Variants in NOC4L observed in about 807,000 individuals in gnomAD.
NOC4L encodes nucleolar complex associated 4 homolog, also known as nucleolar complex protein 4 homolog.
In NOC4L, 40 loss-of-function variants were observed where a neutral mutation model predicts 62.8. The observed-to-expected ratio is 0.64, with a 90% CI of 0.49 to 0.83. The LOEUF (loss-of-function observed/expected upper bound fraction) is 0.83. NOC4L is among the 40% of genes least tolerant of loss of function. NOC4L has a pLI of 0.00. For synonymous variants in NOC4L, 433 were observed against 299.8 expected (o/e 1.44, Z -4.59); for missense variants, 927 against 701.9 (o/e 1.32, Z -3.62).
At position 132,144,486 on chromosome 12, in the gene NOC4L, G is replaced by T. The variant is rs753964630; in HGVS notation, c.-3G>T. The T allele has an allele frequency of 1.3e-6, 2 of 1,523,240 alleles. No homozygotes were observed. Among genetic ancestry groups the T allele is most frequent in the Non-Finnish European group, 1.7e-6 (2 of 1,147,966 alleles). 94.4% of individuals were successfully genotyped at this position (1,523,240 alleles called of 1,614,324 possible). Reference sequence around the variant, plus strand: ...ATCCGCGTTGTTCCGTGTTGGGGGCGGCATGGAGCGGGAGCCGGGCGCCGC... The same window carrying T: ...ATCCGCGTTGTTCCGTGTTGGGGGCTGCATGGAGCGGGAGCCGGGCGCCGC... On this transcript the variant is annotated 5_prime_UTR_variant, in exon 1 of 15. Transcript: ENST00000330579.
chr12:132,144,876 A>G lies in NOC4L; in HGVS notation c.140A>G (p.Gln47Arg), dbSNP rs1268283059. ...VLQSEDQEEI[Q>R]EAVRTCSRLF... ...CAGTCTGAGGACCAGGAGGAGATCC[A>G]GGAAGCAGTCCGCACGTGCAGCCGT... The change falls in exon 2 of 15, where the codon CAG (glutamine) becomes CGG (arginine). Residue 47 changes from glutamine (Q) to arginine (R), a missense_variant. Physicochemically the swap from Gln to Arg is conservative, Grantham distance 43. Transcript: ENST00000330579. 6.2e-7 allele frequency: 1 copy of G among 1,602,020 alleles called. No individual in the cohort carries two copies. Among genetic ancestry groups the G allele is most frequent in the African/African-American group, 1.3e-5 (1 of 74,898 alleles).
rs571674115 is a variant in NOC4L, at chr12:132,146,347, A to C, written c.345+682A>C. The C allele has an allele frequency of 3.1e-3, 1,432 of 455,920 alleles. 7 individuals are homozygous for C. Among genetic ancestry groups the C allele is most frequent in the Non-Finnish European group, 4.0e-3 (902 of 226,654 alleles). The allele number at this position is 455,920 out of a possible 1,614,324, so 28.2% of individuals were successfully genotyped here. A position where few individuals can be genotyped will look rare whatever the true frequency, so the allele number is the denominator to read the frequency against. ...GTAGCAGCGCGTCGTATAGCACAGC[A>C]CGTATCGTTCAGCCGCTCGTAGGTT... is the stretch of plus-strand genomic sequence containing the variant. On this transcript the variant is annotated intron_variant, in intron 3 of 14. Transcript: ENST00000330579.
At chr12:132,148,279 G>A (rs118062493) in intron 7 of NOC4L, among the ~76,000 whole-genome samples, 173 bp downstream of exon 7, 528 of 152,304 alleles carry the variant, frequency 3.5e-3, no homozygotes, top group Non-Finnish European at 6.0e-3. Flanking sequence ...CGAGACCTGT[G>A]AACTCGGGAC....
At position 132,151,748 on chromosome 12, in the gene NOC4L, C is replaced by T. The variant is rs543188150; in HGVS notation, c.1245C>T (p.Ala415=). 3.2e-5 allele frequency: 51 copies of T among 1,612,348 alleles called. No homozygotes were observed. The highest frequency in any genetic ancestry group is 1.6e-4 in the South Asian group (15 of 91,080). Residue 415 remains alanine (A), a synonymous_variant, in exon 13 of 15, where the codon GCC becomes GCT. Coordinates refer to ENST00000330579, the MANE Select transcript of NOC4L (RefSeq NM_024078.3). ...ACGTCTCATTCCTAGAGTTGGACGC[C>T]GACCCCTACGACCCTGGAGAGGAGG... ...VHRPHGPELD[A]DPYDPGEEDP... is the part of the protein sequence containing the mutation.
chr12:132,145,529 C>T (rs149998274), intron 2 of NOC4L, 30 bp from the exon 3 acceptor site: 21,300 of 1,513,110 alleles, frequency 0.014, 704 homozygotes, highest in South Asian at 0.057. Context: ...GTGGGCCTCA[C>T]GTGGGCTGAC....
rs1322160049 is a variant in NOC4L, at chr12:132,148,971, C to A, written c.901+76C>A. On this transcript the variant is annotated intron_variant, in intron 9 of 14. Coordinates refer to ENST00000330579, the MANE Select transcript of NOC4L (RefSeq NM_024078.3). ...GCCGCCGCCTCACTCCTACCACACC[C>A]CTAATCCCCTCGGTGAGTGCCGCCG... 4 of 263,086 alleles carry A rather than the reference C, an allele frequency of 1.5e-5. 1 individual carries two copies. In the Admixed American group the frequency reaches 2.3e-4, roughly 15 times the overall value. The allele number at this position is 263,086 out of a possible 1,614,324, so 16.3% of individuals were successfully genotyped here.
In NOC4L at chr12:132,147,295, C is replaced by A; in HGVS notation, c.360C>A (p.Ser120Arg). The change falls in exon 4 of 15, where the codon AGC becomes AGA. Residue 120 changes from serine (S) to arginine (R), a missense_variant. Ser to Arg is a moderately radical substitution (Grantham distance 110). Transcript: ENST00000330579. ...CCCCTTCCCAGGAGCTGGCCCTCAG[C>A]GCACTCCTGAAGTTCGTGCAGCTGG... is the stretch of plus-strand genomic sequence containing the variant. ...PSFQVKELAL[S>R]ALLKFVQLEG... The A allele has an allele frequency of 6.4e-7, 1 of 1,559,066 alleles. No homozygotes were observed. The highest frequency in any genetic ancestry group is 8.7e-7 in the Non-Finnish European group (1 of 1,151,740).
intron 5 of NOC4L, 49 bp downstream of exon 5, chr12:132,147,831 A>G: frequency 6.2e-7 from 1 of 1,610,554 alleles, no homozygotes; most frequent in East Asian, 2.2e-5. Flanking sequence ...CCTCCCAGGG[A>G]GGCAGGGACT....
In NOC4L at chr12:132,151,297, G is replaced by C; in HGVS notation, c.1002G>C (p.Leu334Phe). The change falls in exon 11 of 15, where the codon TTG (leucine) becomes TTC (phenylalanine). Residue 334 changes from leucine to phenylalanine, a missense_variant. Leu to Phe is a conservative substitution (Grantham distance 22, BLOSUM62 0). Coordinates refer to ENST00000330579, the MANE Select transcript of NOC4L (RefSeq NM_024078.3). Reference protein sequence around the residue: ...PDFYRKLYGLLDPSVFHVKYR... With the variant: ...PDFYRKLYGLFDPSVFHVKYR... Reference sequence around the variant, plus strand: ...TCTACCGGAAGCTCTACGGCCTCTTGGACCCCTCTGTCTTTCACGTCAAGT... The same window carrying C: ...TCTACCGGAAGCTCTACGGCCTCTTCGACCCCTCTGTCTTTCACGTCAAGT... 2 of 1,611,958 alleles carry C rather than the reference G, an allele frequency of 1.2e-6. No homozygotes were observed. Among genetic ancestry groups the C allele is most frequent in the Non-Finnish European group, 1.7e-6 (2 of 1,179,928 alleles).
Position 132,148,900 on chromosome 12 carries a change from GTGCCGCCGCCTCGCTC to G in NOC4L, c.901+6_901+21del. 1 of 1,342,302 alleles carries G rather than the reference GTGCCGCCGCCTCGCTC, an allele frequency of 7.4e-7. No individual in the cohort carries two copies. The highest frequency in any genetic ancestry group is 9.9e-7 in the Non-Finnish European group (1 of 1,012,364). The allele number at this position is 1,342,302 out of a possible 1,614,324, so 83.1% of individuals were successfully genotyped here. On this transcript the variant is annotated splice_donor_region_variant and intron_variant, in intron 9 of 14. Transcript: ENST00000330579. ...TCACCCGCGCCTGCGACCTCGGTGA[GTGCCGCCGCCTCGCTC>G]ACACCACACCCCTAATCCCCTCGGT... is the stretch of plus-strand genomic sequence containing the variant.
intron 3 of NOC4L, among the ~76,000 whole-genome samples, chr12:132,146,071 C>T (rs1321850641): frequency 6.6e-6 from 1 of 152,200 alleles, no homozygotes; most frequent in East Asian, 1.9e-4. Context: ...GCATCTGTTA[C>T]TGTGTTGTGC....
intron 9 of NOC4L, among the ~76,000 whole-genome samples, chr12:132,149,969 A>G (rs376700360): frequency 3.2e-3 from 2 of 620 alleles, no homozygotes; most frequent in East Asian, 0.12. Context: ...CCGCCGCCTC[A>G]CTCACACCAC....
At position 132,148,741 on chromosome 12, in the gene NOC4L, C is replaced by T. The variant is rs1196743597; in HGVS notation, c.790-43C>T. The T allele has an allele frequency of 6.7e-6, 3 of 444,638 alleles. No homozygotes were observed. The Admixed American group carries it at 1.1e-4, about 17-fold the overall frequency. 27.5% of individuals were successfully genotyped at this position (444,638 alleles called of 1,614,324 possible). A position where few individuals can be genotyped will look rare whatever the true frequency, so the allele number is the denominator to read the frequency against. On this transcript the variant is annotated intron_variant, in intron 8 of 14. Transcript: ENST00000330579. ...AGGCCTCACCCCGACCCGCCGGCCC[C>T]CGCCCACCCGCCCCTCACCCCCACC...
chr12:132,151,406 C>G lies in NOC4L; in HGVS notation c.1073+38C>G, dbSNP rs547513742. On this transcript the variant is annotated intron_variant, in intron 11 of 14. Transcript: ENST00000330579. Reference sequence around the variant, plus strand: ...GCACCTGGCTCTGCCCTGCTCTGTGCGGCTGCAGCCTGGGGCCAGGGGAGG... The same window carrying G: ...GCACCTGGCTCTGCCCTGCTCTGTGGGGCTGCAGCCTGGGGCCAGGGGAGG... 395 of 1,603,066 alleles carry G rather than the reference C, an allele frequency of 2.5e-4. 5 individuals carry two copies. In the South Asian group the frequency reaches 2.8e-3, roughly 12 times the overall value.
In NOC4L at chr12:132,148,055, C is replaced by T; in HGVS notation, c.704-17C>T. The T allele has an allele frequency of 6.2e-7, 1 of 1,613,502 alleles. No individual in the cohort carries two copies. The highest frequency in any genetic ancestry group is 1.1e-5 in the South Asian group (1 of 91,074). On this transcript the variant is annotated splice_polypyrimidine_tract_variant and intron_variant, in intron 6 of 14. Transcript: ENST00000330579. Reference sequence around the variant, plus strand: ...CCCCTGCGGGTCAGGTGACCTTTGCCCTCGCTTTCCCTGCAGAGCTGTGGG... The same window carrying T: ...CCCCTGCGGGTCAGGTGACCTTTGCTCTCGCTTTCCCTGCAGAGCTGTGGG...
Position 132,151,061 on chromosome 12 carries a change from C to G in NOC4L, c.962+20C>G. The G allele has an allele frequency of 6.2e-7, 1 of 1,603,260 alleles. No individual in the cohort carries two copies. The highest frequency in any genetic ancestry group is 8.5e-7 in the Non-Finnish European group (1 of 1,173,398). On this transcript the variant is annotated intron_variant, in intron 10 of 14. Transcript: ENST00000330579. The stretch of plus-strand genomic sequence containing the variant: ...CAACCTGTGAGTGTCACCAGGGGTG[C>G]AGGTCTTCTTCCCAGTCTGCCCAGC...
intron 9 of NOC4L, among the ~76,000 whole-genome samples, chr12:132,149,896 CT>C (rs1335139766): frequency 1.2e-4 from 2 of 16,298 alleles, no homozygotes; most frequent in Admixed American, 5.0e-4. Flanking sequence ...TACCACACCC[CT>C]AATCCCCTCG....
chr12:132,144,992 C>T lies in NOC4L; in HGVS notation c.238+18C>T. On this transcript the variant is annotated intron_variant, in intron 2 of 14. Coordinates refer to ENST00000330579, the MANE Select transcript of NOC4L (RefSeq NM_024078.3). ...CATGACAGGTGAGCCCTGGAGGGCC[C>T]CGGGGCTGCTCTTCTCTTTCCGTGG... 6.3e-7 allele frequency: 1 copy of T among 1,582,280 alleles called. No homozygotes were observed. The highest frequency in any genetic ancestry group is 8.6e-7 in the Non-Finnish European group (1 of 1,163,856).
rs781768878 is a variant in NOC4L at position 132,151,681 on chromosome 12, G to T, written c.1234+37G>T. On this transcript the variant is annotated intron_variant, in intron 12 of 14. Coordinates refer to ENST00000330579, the MANE Select transcript of NOC4L (RefSeq NM_024078.3). ...GGCCCTCGGAGGCTGGGCTGGAGCTGGGGCGGGGGTGCCTGGTGCTGTGGA... is the reference window on the plus strand; with the variant it reads ...GGCCCTCGGAGGCTGGGCTGGAGCTTGGGCGGGGGTGCCTGGTGCTGTGGA... 3 of 1,611,618 alleles carry T rather than the reference G, an allele frequency of 1.9e-6. No homozygotes were observed. The South Asian group carries it at 3.3e-5, about 18-fold the overall frequency.
Sources: gnomAD v4.1 joint callset for allele counts (sites outside exome capture counted in the v4.1 genomes callset) on GRCh38, gnomAD v4.1.1 for gene constraint, MANE v1.5 for transcripts, NCBI Gene and HGNC (gene_info 2026-07-23, HGNC 2026-07-21) for gene names.